SPTY2D1: variants seen among roughly 807,000 people sequenced by gnomAD.
The protein encoded by SPTY2D1 is SPT2 chromatin protein domain containing 1, also known as protein SPT2 homolog.
SPTY2D1 carries 21 observed loss-of-function variants against 64.0 expected under a neutral mutation model. That is an observed-to-expected ratio of 0.33 (90% CI 0.23 to 0.47). The LOEUF (loss-of-function observed/expected upper bound fraction) is 0.47, where lower values mean the gene tolerates loss of function less well. SPTY2D1 is among the 20% of genes least tolerant of loss of function. The pLI is 1.00. For synonymous variants in SPTY2D1, 287 were observed against 286.8 expected (o/e 1.00, Z -0.01); for missense variants, 724 against 837.2 (o/e 0.86, Z 1.67).
chr11:18,622,101 A>AAAAAAAAAAAC (rs71050618), intron 1 of SPTY2D1, among the ~76,000 whole-genome samples: 1,074 of 81,236 alleles, frequency 0.013, 227 homozygotes, highest in Middle Eastern at 0.05. Flanking sequence ...AAAAAAAAAA[A>AAAAAAAAAAAC]AAACCAAAAC....
intron 1 of SPTY2D1, among the ~76,000 whole-genome samples, chr11:18,624,497 C>T (rs1052776306): frequency 6.6e-6 from 1 of 152,210 alleles, no homozygotes; most frequent in Non-Finnish European, 1.5e-5. Context: ...TGATCCACCA[C>T]AGTGAAGCTT....
chr11:18,632,719 T>G (rs930990154), intron 1 of SPTY2D1, among the ~76,000 whole-genome samples: 2 of 152,222 alleles, frequency 1.3e-5, no homozygotes, highest in Non-Finnish European at 2.9e-5. Context: ...ATGCATATAT[T>G]ATGACATATA....
intron 1 of SPTY2D1, among the ~76,000 whole-genome samples, chr11:18,622,099 A>AAAAAAAAAAAAAC (rs1267399171): frequency 6.7e-6 from 1 of 148,378 alleles, no homozygotes; most frequent in East Asian, 2.0e-4. Flanking sequence ...AAAAAAAAAA[A>AAAAAAAAAAAAAC]AAAAACCAAA....
At chr11:18,622,757 G>A (rs1284364571) in intron 1 of SPTY2D1, among the ~76,000 whole-genome samples, 1 of 151,932 alleles carries the variant, frequency 6.6e-6, no homozygotes, top group Non-Finnish European at 1.5e-5. Context: ...TTCGAGACCA[G>A]CCTGATGAAC....
chr11:18,614,759 A>G lies in SPTY2D1; in HGVS notation c.1515T>C (p.Thr505=). The stretch of plus-strand genomic sequence containing the variant: ...GTCTTCCTGGGACTGAATTACTGAC[A>G]GTCCGTCCAGCTGGAATTGAGCCAC... The part of the protein sequence containing the change: ...SISGSIPAGR[T]VSNSVPGRPV... Residue 505 remains threonine, a synonymous_variant, in exon 3 of 6, where the codon ACT becomes ACC. Coordinates refer to ENST00000336349, the MANE Select transcript of SPTY2D1 (RefSeq NM_194285.3). The G allele has an allele frequency of 6.2e-7, 1 of 1,613,192 alleles. No homozygotes were observed. The highest frequency in any genetic ancestry group is 8.5e-7 in the Non-Finnish European group (1 of 1,179,218).
At chr11:18,629,899 G>A (rs1216969033) in intron 1 of SPTY2D1, among the ~76,000 whole-genome samples, 3 of 152,200 alleles carry the variant, frequency 2.0e-5, no homozygotes, top group African/African-American at 7.2e-5. Context: ...TGCCGGGCAC[G>A]GTGGCTCACG....
intron 1 of SPTY2D1, among the ~76,000 whole-genome samples, chr11:18,632,189 C>T (rs1239633148): frequency 6.6e-6 from 1 of 151,558 alleles, no homozygotes; most frequent in African/African-American, 2.4e-5. Context: ...AATTTAACTA[C>T]AGTCTTATCC....
At chr11:18,614,470 C>T in intron 3 of SPTY2D1, 93 bp downstream of exon 3, 1 of 1,199,414 alleles carries the variant, frequency 8.3e-7, no homozygotes, top group Middle Eastern at 2.8e-4. Flanking sequence ...AAGGACAGCA[C>T]ATGAGGGGTT....
chr11:18,627,421 A>G (rs1028490238), intron 1 of SPTY2D1, among the ~76,000 whole-genome samples: 1 of 150,864 alleles, frequency 6.6e-6, no homozygotes, highest in African/African-American at 2.4e-5. Context: ...ACAGAGCAAG[A>G]CTCCATCTCC....
At chr11:18,618,737 G>A (rs1453763050) in intron 1 of SPTY2D1, among the ~76,000 whole-genome samples, 3 of 152,202 alleles carry the variant, frequency 2.0e-5, no homozygotes, top group African/African-American at 7.2e-5. Context: ...AATTCTTGGA[G>A]GAAAACCAAA....
chr11:18,615,760 A>G lies in SPTY2D1; in HGVS notation c.514T>C (p.Leu172=), dbSNP rs1167071678. Reference sequence around the variant, plus strand: ...TGCTTTTTCTCAGCCAGCCTGAGTAAATCAGTGAAGTTCATGGGTGGTGGG... The same window carrying G: ...TGCTTTTTCTCAGCCAGCCTGAGTAGATCAGTGAAGTTCATGGGTGGTGGG... ...SAPPPMNFTD[L]LRLAEKKQFE... The change falls in exon 3 of 6, where the codon TTA becomes CTA. Residue 172 remains leucine, a synonymous_variant. Coordinates refer to ENST00000336349, the MANE Select transcript of SPTY2D1 (RefSeq NM_194285.3). 2.5e-6 allele frequency: 4 copies of G among 1,613,882 alleles called. No homozygotes were observed. Among genetic ancestry groups the G allele is most frequent in the African/African-American group, 2.7e-5 (2 of 74,896 alleles).
At position 18,634,289 on chromosome 11, in the gene SPTY2D1, C is replaced by A. The variant is rs745524048; in HGVS notation, c.-32G>T. ...CCGAGGCGGGAGAGACTGGGCCAGG[C>A]ACTCGGAAAGGACTGACAGCGCACC... On this transcript the variant is annotated 5_prime_UTR_variant, in exon 1 of 6. Coordinates refer to ENST00000336349, the MANE Select transcript of SPTY2D1 (RefSeq NM_194285.3). The A allele has an allele frequency of 4.4e-5, 71 of 1,612,798 alleles. No individual in the cohort carries two copies. The highest frequency in any genetic ancestry group is 5.7e-5 in the Non-Finnish European group (67 of 1,179,184).
chr11:18,627,705 C>T (rs978176031), intron 1 of SPTY2D1, among the ~76,000 whole-genome samples: 2 of 151,976 alleles, frequency 1.3e-5, no homozygotes, highest in African/African-American at 2.4e-5. Flanking sequence ...AGTGAAACCC[C>T]GTCTCTACTA....
chr11:18,610,922 G>A lies in SPTY2D1; in HGVS notation c.1964+555C>T, dbSNP rs562088082. Among the ~76,000 whole-genome samples the A allele has an allele frequency of 2.6e-5, 4 of 152,306 alleles. No individual in the cohort carries two copies. The East Asian group carries it at 7.7e-4, about 29-fold the overall frequency. ...ACATTTACTGTGTATCCACACATGT[G>A]AGGCACTGCACTAGGCATCTTGTAC... On this transcript the variant is annotated intron_variant, in intron 5 of 5. Transcript: ENST00000336349.
chr11:18,611,588 A>C, intron 4 of SPTY2D1, 34 bp from the exon 5 acceptor site: 1 of 1,580,498 alleles, frequency 6.3e-7, no homozygotes, highest in Non-Finnish European at 8.7e-7. Flanking sequence ...TAAAAAGAGA[A>C]AACTTCAATT....
At position 18,634,115 on chromosome 11, in the gene SPTY2D1, C is replaced by A. The variant is rs1233351206; in HGVS notation, c.60+83G>T. The A allele has an allele frequency of 4.0e-6, 6 of 1,488,578 alleles. No individual in the cohort carries two copies. In the East Asian group the frequency reaches 1.1e-4, roughly 28 times the overall value. 92.2% of individuals were successfully genotyped at this position (1,488,578 alleles called of 1,614,324 possible). On this transcript the variant is annotated intron_variant, in intron 1 of 5. Coordinates refer to ENST00000336349, the MANE Select transcript of SPTY2D1 (RefSeq NM_194285.3). ...TTCCTCTCCCGGAGCCGATAGGCGG[C>A]TGCCCAGAAGTTCCATGGGCCACAC... is the stretch of plus-strand genomic sequence containing the variant.
rs1554987097 is a variant in SPTY2D1, at chr11:18,607,682, CAA to C, written c.*2177_*2178del. The C allele has an allele frequency of 6.6e-6, 1 of 152,356 alleles. No homozygotes were observed. The highest frequency in any genetic ancestry group is 1.5e-5 in the Non-Finnish European group (1 of 68,024). 9.4% of individuals were successfully genotyped at this position (152,356 alleles called of 1,614,324 possible). ...CAACATGGAAGACAGGATTTGGAAA[CAA>C]GGCCAAAATTTAAAAGACTTAACCT... On this transcript the variant is annotated 3_prime_UTR_variant, in exon 6 of 6. Transcript: ENST00000336349.
chr11:18,624,495 C>T (rs1854465235), intron 1 of SPTY2D1, among the ~76,000 whole-genome samples: 1 of 152,182 alleles, frequency 6.6e-6, no homozygotes, highest in Non-Finnish European at 1.5e-5. Context: ...AATGATCCAC[C>T]ACAGTGAAGC....
At chr11:18,621,858 G>A (rs1015400895) in intron 1 of SPTY2D1, among the ~76,000 whole-genome samples, 1 of 151,882 alleles carries the variant, frequency 6.6e-6, no homozygotes, top group African/African-American at 2.4e-5. Context: ...AGGCTAATTC[G>A]AGAGGATCGC....
Sources: allele counts gnomAD v4.1 joint callset (sites outside exome capture counted in the v4.1 genomes callset), GRCh38; gene constraint gnomAD v4.1.1; transcripts MANE v1.5; gene names NCBI Gene and HGNC (gene_info 2026-07-23, HGNC 2026-07-21).